Variants in HTR4 observed in about 807,000 individuals in gnomAD.
HTR4 encodes 5-hydroxytryptamine receptor 4.
A neutral mutation model predicts 36.8 loss-of-function variants in HTR4; 16 were observed. The ratio of observed to expected loss-of-function variants is 0.43; its 90% CI spans 0.29 to 0.66. HTR4 has a LOEUF of 0.66. Among genes scored for constraint, HTR4 ranks in the 30% least tolerant of loss-of-function variants. The pLI, the probability that HTR4 is intolerant of heterozygous loss-of-function variation, is 0.13. For missense variants in HTR4, 438 were observed against 490.9 expected, an observed-to-expected ratio of 0.89 and a Z score of 1.02; for synonymous variants, 189 against 185.1, an observed-to-expected ratio of 1.02 and a Z score of -0.17.
intron 1 of HTR4, among the ~76,000 whole-genome samples, chr5:148,647,785 G>C (rs1487816691): frequency 6.6e-6 from 1 of 152,192 alleles, no homozygotes; most frequent in African/African-American, 2.4e-5. Context: ...GGAGGCGAAG[G>C]TTTCAGTGAG....
intron 5 of HTR4, among the ~76,000 whole-genome samples, chr5:148,518,973 T>C (rs1757885733): frequency 6.6e-6 from 1 of 152,294 alleles, no homozygotes; most frequent in African/African-American, 2.4e-5. Flanking sequence ...TATATCGTAC[T>C]TTCTCCTCAC....
chr5:148,496,026 G>A lies in HTR4; in HGVS notation c.1077-12733C>T, dbSNP rs375093162. On this transcript the variant is annotated intron_variant, in intron 6 of 6. Transcript: ENST00000377888. Reference sequence around the variant, plus strand: ...GAGGCAAGGGAATCGCTTGAACTCAGGAGGCGGAGGTTGCAGTAAGCCGAA... The same window carrying A: ...GAGGCAAGGGAATCGCTTGAACTCAAGAGGCGGAGGTTGCAGTAAGCCGAA... Among the ~76,000 whole-genome samples, 640 of 152,300 alleles carry A rather than the reference G, an allele frequency of 4.2e-3. 4 individuals are homozygous for A. Among genetic ancestry groups the A allele is most frequent in the African/African-American group, 0.015 (616 of 41,560 alleles).
chr5:148,492,467 T>C (rs1756498031), intron 6 of HTR4, among the ~76,000 whole-genome samples: 2 of 152,222 alleles, frequency 1.3e-5, no homozygotes, highest in Admixed American at 1.3e-4. Context: ...CTGCATCCCT[T>C]GTTTCAGGAG....
intron 5 of HTR4, among the ~76,000 whole-genome samples, chr5:148,466,161 A>C (rs1369730101): frequency 6.6e-6 from 1 of 152,166 alleles, no homozygotes; most frequent in East Asian, 1.9e-4. Context: ...GTTTCATCTG[A>C]GTCTTGCAAC....
chr5:148,485,807 T>A (rs1280213630), intron 6 of HTR4, among the ~76,000 whole-genome samples: 1 of 152,128 alleles, frequency 6.6e-6, no homozygotes, highest in African/African-American at 2.4e-5. Flanking sequence ...GGCGAAAAGA[T>A]CAGAGCTAAA....
chr5:148,474,755 T>G (rs1341288759), downstream of HTR4, among the ~76,000 whole-genome samples: 1 of 152,184 alleles, frequency 6.6e-6, no homozygotes, highest in Admixed American at 6.5e-5. Context: ...CAGATCTAGG[T>G]TTGTAGCCTG....
chr5:148,569,075 G>A (rs1281469917), intron 2 of HTR4, among the ~76,000 whole-genome samples: 1 of 149,342 alleles, frequency 6.7e-6, no homozygotes, highest in African/African-American at 2.5e-5. Context: ...ACAGACAGAA[G>A]AGTTTTTTTT....
chr5:148,653,586 A>C (rs1331323186), intron 1 of HTR4, among the ~76,000 whole-genome samples: 1 of 147,796 alleles, frequency 6.8e-6, no homozygotes, highest in Admixed American at 6.8e-5. Context: ...CTCAAGACAC[A>C]CTATCTTGTC....
At position 148,523,224 on chromosome 5, in the gene HTR4, T is replaced by C; in HGVS notation, c.476A>G (p.Gln159Arg). The change falls in exon 5 of 7, where the codon CAA (glutamine) becomes CGA (arginine). Residue 159 changes from glutamine (Q) to arginine (R), a missense_variant. Coordinates refer to ENST00000377888, the MANE Select transcript of HTR4 (RefSeq NM_000870.7). The stretch of plus-strand genomic sequence containing the variant: ...AATTATGCCAATGTTATTCCAGCCT[T>C]GCATTATAGGGAGAAAAGAAATAAA... ...PTFISFLPIM[Q>R]GWNNIGIIDL... The C allele has an allele frequency of 6.2e-7, 1 of 1,613,712 alleles. No homozygotes were observed.
At chr5:148,452,721 G>C (rs1248674619) in intron 5 of HTR4, among the ~76,000 whole-genome samples, 2 of 152,214 alleles carry the variant, frequency 1.3e-5, no homozygotes, top group Non-Finnish European at 2.9e-5. Context: ...CTGTTGTTGA[G>C]AGAGAGCTAA....
intron 5 of HTR4, chr5:148,465,829 A>G: frequency 6.2e-7 from 1 of 1,603,710 alleles, no homozygotes; most frequent in Non-Finnish European, 8.5e-7. Flanking sequence ...ACAGACTCAC[A>G]ACAGACAGTG....
chr5:148,654,020 G>A, intron 1 of HTR4, 42 bp downstream of exon 1: 2 of 981,526 alleles, frequency 2.0e-6, no homozygotes, highest in Non-Finnish European at 2.4e-6. Flanking sequence ...GGCACCCGTG[G>A]GCTCCTGGGG....
chr5:148,529,583 G>T (rs1758453599), intron 4 of HTR4, among the ~76,000 whole-genome samples: 2 of 152,174 alleles, frequency 1.3e-5, no homozygotes, highest in African/African-American at 4.8e-5. Context: ...TTTGTAAATT[G>T]CCCAGTCTTG....
downstream of HTR4, among the ~76,000 whole-genome samples, chr5:148,478,472 T>C (rs970049699): frequency 2.6e-5 from 4 of 152,180 alleles, no homozygotes; most frequent in African/African-American, 9.7e-5. Context: ...GAAGAGATTT[T>C]CTAACGGGGA....
chr5:148,480,277 T>TGGG (rs1172791407), downstream of HTR4, among the ~76,000 whole-genome samples: 1 of 152,234 alleles, frequency 6.6e-6, no homozygotes, highest in African/African-American at 2.4e-5. Flanking sequence ...TTTCTGTGAT[T>TGGG]CATAAATTCG....
chr5:148,565,404 C>T (rs1474422230), intron 2 of HTR4, among the ~76,000 whole-genome samples: 1 of 152,044 alleles, frequency 6.6e-6, no homozygotes, highest in Non-Finnish European at 1.5e-5. Context: ...AGTAAGAATA[C>T]ACTGGAGTTT....
rs141886031 is a variant in HTR4, at chr5:148,599,760, T to G, written c.26+37229A>C. Among the ~76,000 whole-genome samples, 10 of 152,186 alleles carry G rather than the reference T, an allele frequency of 6.6e-5. No individual in the cohort carries two copies. The East Asian group carries it at 7.7e-4, about 12-fold the overall frequency. ...CTATACAAACAATATATTATGTTTTTTGCAGTTTAAAACATACCTAGATTT... is the reference window on the plus strand; with the variant it reads ...CTATACAAACAATATATTATGTTTTGTGCAGTTTAAAACATACCTAGATTT... On this transcript the variant is annotated intron_variant, in intron 2 of 6. Coordinates refer to ENST00000377888, the MANE Select transcript of HTR4 (RefSeq NM_000870.7).
intron 5 of HTR4, among the ~76,000 whole-genome samples, chr5:148,458,040 T>TA (rs1272245994): frequency 7.5e-6 from 1 of 133,310 alleles, no homozygotes; most frequent in Non-Finnish European, 1.6e-5. Flanking sequence ...ATTTAATATA[T>TA]ATTAAAATAT....
intron 6 of HTR4, among the ~76,000 whole-genome samples, chr5:148,497,303 T>C (rs550427896): frequency 1.4e-4 from 21 of 152,284 alleles, no homozygotes; most frequent in African/African-American, 4.6e-4. Flanking sequence ...TTCTCATGTG[T>C]AGGAAAGTCA....
Sources: gnomAD v4.1 joint callset for allele counts (sites outside exome capture counted in the v4.1 genomes callset) on GRCh38, gnomAD v4.1.1 for gene constraint, MANE v1.5 for transcripts, NCBI Gene and HGNC (gene_info 2026-07-23, HGNC 2026-07-21) for gene names.